The following DPP10 variants were observed in gnomAD, a reference collection of about 807,000 sequenced individuals.
DPP10 encodes the protein dipeptidyl peptidase like 10, also known as inactive dipeptidyl peptidase 10.
DPP10 carries 33 observed loss-of-function variants against 120.9 expected under a neutral mutation model. The ratio of observed to expected loss-of-function variants is 0.27; its 90% CI spans 0.21 to 0.37. The LOEUF is 0.37. DPP10 is among the 10% of genes least tolerant of loss of function. The probability of loss-of-function intolerance (pLI) is 1.00; values close to 1 mark genes in which losing one functional copy is unlikely to be tolerated. For synonymous variants in DPP10, 337 were observed against 326.1 expected, an observed-to-expected ratio of 1.03 and a Z score of -0.36; for missense variants, 816 against 942.8, an observed-to-expected ratio of 0.87 and a Z score of 1.76.
At chr2:114,872,448 T>C (rs1435472560) in intron 1 of DPP10, among the ~76,000 whole-genome samples, 2 of 152,138 alleles carry the variant, frequency 1.3e-5, no homozygotes, top group African/African-American at 2.4e-5. Flanking sequence ...AGATGAGATG[T>C]GGGTGGGAAC....
intron 1 of DPP10, among the ~76,000 whole-genome samples, chr2:114,944,688 A>C (rs1281121014): frequency 6.6e-6 from 1 of 152,216 alleles, no homozygotes; most frequent in Non-Finnish European, 1.5e-5. Context: ...ATGAGCGCTA[A>C]GGTTTTTACA....
intron 19 of DPP10, among the ~76,000 whole-genome samples, chr2:115,801,042 C>T (rs1467159550): frequency 4.6e-5 from 7 of 152,178 alleles, no homozygotes; most frequent in Admixed American, 1.3e-4. Context: ...GCCATTTTCA[C>T]GATATTGATT....
At chr2:114,804,938 A>G (rs189502957) in intron 1 of DPP10, among the ~76,000 whole-genome samples, 28 of 152,254 alleles carry the variant, frequency 1.8e-4, no homozygotes, top group Admixed American at 1.4e-3. Flanking sequence ...GTCCCCACCC[A>G]AATCTCAATT....
At chr2:114,593,793 G>A (rs956253261) in intron 1 of DPP10, among the ~76,000 whole-genome samples, 5 of 152,016 alleles carry the variant, frequency 3.3e-5, no homozygotes, top group African/African-American at 1.2e-4. Context: ...AAGCAATGGG[G>A]ATGCATTTGG....
At chr2:115,526,126 G>T (rs541538044) in intron 5 of DPP10, 154 bp downstream of exon 5, 11 of 544,376 alleles carry the variant, frequency 2.0e-5, no homozygotes, top group Middle Eastern at 3.0e-4. Context: ...AAAGATGTTT[G>T]AAGATAATGT....
intron 7 of DPP10, among the ~76,000 whole-genome samples, chr2:115,713,948 C>T (rs907003954): frequency 3.3e-5 from 5 of 152,170 alleles, no homozygotes; most frequent in African/African-American, 1.2e-4. Context: ...TGCTCATTTT[C>T]TCCTCAGTCA....
chr2:114,665,790 A>G (rs952768558), intron 1 of DPP10, among the ~76,000 whole-genome samples: 2 of 152,182 alleles, frequency 1.3e-5, no homozygotes, highest in Admixed American at 6.5e-5. Flanking sequence ...GTGTGACCCA[A>G]CCACCTTCAC....
intron 1 of DPP10, among the ~76,000 whole-genome samples, chr2:114,947,289 A>G (rs1697436611): frequency 6.6e-6 from 1 of 151,970 alleles, no homozygotes; most frequent in Admixed American, 6.6e-5. Context: ...TGATAACACA[A>G]ATTTTAATTT....
At chr2:114,895,588 T>C (rs1474971516) in intron 1 of DPP10, among the ~76,000 whole-genome samples, 1 of 152,208 alleles carries the variant, frequency 6.6e-6, no homozygotes, top group African/African-American at 2.4e-5. Context: ...AGAGAGAGCC[T>C]GTGTGCTCTA....
chr2:115,177,219 T>C (rs1253650945), intron 1 of DPP10, among the ~76,000 whole-genome samples: 2 of 152,216 alleles, frequency 1.3e-5, no homozygotes, highest in Non-Finnish European at 2.9e-5. Flanking sequence ...TATATGTGTA[T>C]ATATTAATGT....
chr2:115,486,923 T>C (rs2075812505), intron 3 of DPP10, among the ~76,000 whole-genome samples: 2 of 152,174 alleles, frequency 1.3e-5, no homozygotes. Flanking sequence ...GTACCATTCA[T>C]AGGATCGGCA....
chr2:115,836,453 G>T (rs1689538144), intron 22 of DPP10, 54 bp from the exon 23 acceptor site: 2 of 1,565,634 alleles, frequency 1.3e-6, no homozygotes, highest in African/African-American at 2.8e-5. Flanking sequence ...AATGAAATAT[G>T]CCAGTCAAAT....
intron 1 of DPP10, among the ~76,000 whole-genome samples, chr2:115,174,904 G>T (rs535411069): frequency 1.3e-5 from 2 of 152,208 alleles, no homozygotes; most frequent in East Asian, 1.9e-4. Flanking sequence ...TTTGTCCCAA[G>T]AAATTGATGC....
intron 5 of DPP10, among the ~76,000 whole-genome samples, chr2:115,627,664 T>A (rs567068813): frequency 6.6e-6 from 1 of 152,220 alleles, no homozygotes; most frequent in African/African-American, 2.4e-5. Context: ...TAGCTGTTTG[T>A]CTTAATGCTC....
intron 3 of DPP10, among the ~76,000 whole-genome samples, chr2:115,392,879 A>G (rs2067415523): frequency 6.6e-6 from 1 of 152,052 alleles, no homozygotes. Context: ...CTTCAGTTTT[A>G]TTTGAAAGAA....
chr2:114,594,118 A>G (rs938408345), intron 1 of DPP10, among the ~76,000 whole-genome samples: 12 of 152,068 alleles, frequency 7.9e-5, no homozygotes, highest in Non-Finnish European at 1.8e-4. Flanking sequence ...ACCCACCCTT[A>G]ACTGGGTGGG....
chr2:115,161,738 G>A (rs1559164218), intron 1 of DPP10: 1 of 410,968 alleles, frequency 2.4e-6, no homozygotes, highest in Non-Finnish European at 4.3e-6. Flanking sequence ...GGGAGAGCGG[G>A]GAGTCAGAGG....
chr2:115,218,711 C>T (rs902486624), intron 1 of DPP10, among the ~76,000 whole-genome samples: 7 of 152,042 alleles, frequency 4.6e-5, no homozygotes, highest in Non-Finnish European at 7.4e-5. Flanking sequence ...ACTGGAAAGA[C>T]TTATAATAAG....
intron 1 of DPP10, among the ~76,000 whole-genome samples, chr2:114,669,964 A>G (rs1005580360): frequency 2.0e-5 from 3 of 152,228 alleles, no homozygotes; most frequent in African/African-American, 7.2e-5. Flanking sequence ...TCAAAACCAC[A>G]ATGAGATACC....
Sources: allele counts gnomAD v4.1 joint callset (sites outside exome capture counted in the v4.1 genomes callset), GRCh38; gene constraint gnomAD v4.1.1; transcripts MANE v1.5; gene names NCBI Gene and HGNC (gene_info 2026-07-23, HGNC 2026-07-21).